Variants in ST8SIA1 observed in about 807,000 individuals in gnomAD.
ST8SIA1 encodes ST8 alpha-N-acetyl-neuraminide alpha-2,8-sialyltransferase 1.
Under a neutral mutation model 35.9 loss-of-function variants are expected in ST8SIA1, and 16 were observed. The observed-to-expected ratio is 0.45, with a 90% CI of 0.30 to 0.68. ST8SIA1 has a LOEUF of 0.68. ST8SIA1 is among the 30% of genes least tolerant of loss of function. ST8SIA1 has a pLI of 0.09. For missense variants in ST8SIA1, 383 were observed against 453.6 expected, an observed-to-expected ratio of 0.84 and a Z score of 1.41; for synonymous variants, 170 against 169.6, an observed-to-expected ratio of 1.00 and a Z score of -0.02.
chr12:22,304,855 T>C (rs1866364818), intron 1 of ST8SIA1, among the ~76,000 whole-genome samples: 2 of 152,230 alleles, frequency 1.3e-5, no homozygotes, highest in Non-Finnish European at 2.9e-5. Context: ...GGTCTCCTCT[T>C]ACAGTCCTAT....
chr12:22,233,968 T>G (rs1250665223), intron 4 of ST8SIA1, among the ~76,000 whole-genome samples: 1 of 152,088 alleles, frequency 6.6e-6, no homozygotes, highest in African/African-American at 2.4e-5. Flanking sequence ...TCAAATATAA[T>G]ATATTATTTG....
intron 4 of ST8SIA1, among the ~76,000 whole-genome samples, chr12:22,205,642 G>A (rs1003297356): frequency 2.6e-5 from 4 of 151,978 alleles, no homozygotes; most frequent in Non-Finnish European, 5.9e-5. Context: ...AATCTAGCTG[G>A]CACAGTGACT....
At chr12:22,247,369 G>A (rs1232989931) in intron 4 of ST8SIA1, among the ~76,000 whole-genome samples, 1 of 152,060 alleles carries the variant, frequency 6.6e-6, no homozygotes, top group Admixed American at 6.6e-5. Context: ...GGGGGAAACT[G>A]GGTAAAGATT....
chr12:22,291,434 C>T (rs1379246515), intron 1 of ST8SIA1, among the ~76,000 whole-genome samples: 1 of 152,174 alleles, frequency 6.6e-6, no homozygotes, highest in African/African-American at 2.4e-5. Flanking sequence ...CAGTATCTGG[C>T]CAAAATCTAC....
chr12:22,233,074 C>T (rs1865437075), intron 4 of ST8SIA1, among the ~76,000 whole-genome samples: 1 of 152,078 alleles, frequency 6.6e-6, no homozygotes, highest in African/African-American at 2.4e-5. Context: ...TGAAAAGGTC[C>T]ACTGCGTGCC....
At position 22,287,356 on chromosome 12, in the gene ST8SIA1, C is replaced by T. The variant is rs144913640; in HGVS notation, c.237-63G>A. ...GTTAAATGAGGAGCAGATTCATTCA[C>T]TTGTCATTCCCACAGAGATGTGCCA... is the stretch of plus-strand genomic sequence containing the variant. On this transcript the variant is annotated intron_variant, in intron 1 of 4. Coordinates refer to ENST00000396037, the MANE Select transcript of ST8SIA1 (RefSeq NM_003034.4). 4.2e-4 allele frequency: 647 copies of T among 1,534,956 alleles called. 1 individual carries two copies. In the African/African-American group the frequency reaches 8.1e-3, roughly 19 times the overall value.
intron 4 of ST8SIA1, among the ~76,000 whole-genome samples, chr12:22,236,686 C>T (rs1163148355): frequency 1.3e-5 from 2 of 152,192 alleles, no homozygotes; most frequent in East Asian, 3.9e-4. Flanking sequence ...CATGAAAGTG[C>T]CATGAGAACT....
intron 2 of ST8SIA1, among the ~76,000 whole-genome samples, chr12:22,280,589 C>T (rs1210378038): frequency 6.6e-6 from 1 of 152,148 alleles, no homozygotes; most frequent in Non-Finnish European, 1.5e-5. Flanking sequence ...ATAGAGCATT[C>T]CTTTATTTTT....
intron 2 of ST8SIA1, among the ~76,000 whole-genome samples, chr12:22,269,988 A>T (rs1240490185): frequency 1.3e-5 from 2 of 152,244 alleles, no homozygotes; most frequent in African/African-American, 4.8e-5. Flanking sequence ...TTTCCAAGGA[A>T]AACAAAATGG....
chr12:22,317,802 A>G (rs1866539385), intron 1 of ST8SIA1, among the ~76,000 whole-genome samples: 1 of 152,230 alleles, frequency 6.6e-6, no homozygotes, highest in Non-Finnish European at 1.5e-5. Context: ...ACACAAGGGC[A>G]TGAATACCAG....
intron 1 of ST8SIA1, among the ~76,000 whole-genome samples, chr12:22,296,941 C>T (rs752643392): frequency 2.0e-5 from 3 of 152,152 alleles, no homozygotes; most frequent in Non-Finnish European, 4.4e-5. Context: ...CTCCAAACTG[C>T]AGGCAGTGAC....
intron 2 of ST8SIA1, among the ~76,000 whole-genome samples, chr12:22,273,023 G>GT (rs1452954406): frequency 6.6e-6 from 1 of 152,182 alleles, no homozygotes; most frequent in Non-Finnish European, 1.5e-5. Flanking sequence ...GGGTCACCCT[G>GT]TTTGACTATC....
chr12:22,313,518 C>G (rs1050866527), intron 1 of ST8SIA1, among the ~76,000 whole-genome samples: 7 of 152,128 alleles, frequency 4.6e-5, no homozygotes, highest in Non-Finnish European at 1.0e-4. Context: ...CAAGAGGATT[C>G]TAGCCTGTGC....
chr12:22,240,811 G>T (rs543672699), intron 4 of ST8SIA1, among the ~76,000 whole-genome samples: 87 of 152,066 alleles, frequency 5.7e-4, no homozygotes, highest in South Asian at 1.7e-3. Flanking sequence ...CTACTTGTAT[G>T]GGAAGATATT....
intron 1 of ST8SIA1, among the ~76,000 whole-genome samples, chr12:22,289,114 C>A (rs1866142961): frequency 6.6e-6 from 1 of 152,138 alleles, no homozygotes; most frequent in African/African-American, 2.4e-5. Context: ...ATTGAGTCAA[C>A]AGAAAACACC....
At chr12:22,206,837 C>A (rs1591823566) in intron 4 of ST8SIA1, among the ~76,000 whole-genome samples, 2 of 152,302 alleles carry the variant, frequency 1.3e-5, no homozygotes, top group South Asian at 2.1e-4. Flanking sequence ...AAACCAAAAT[C>A]ATTCAAGGGG....
intron 2 of ST8SIA1, among the ~76,000 whole-genome samples, chr12:22,265,354 G>A (rs192872144): frequency 3.9e-4 from 59 of 152,288 alleles, no homozygotes; most frequent in African/African-American, 1.3e-3. Context: ...ATTGCTAGAC[G>A]TCATACTTGC....
At position 22,193,468 on chromosome 12, in the gene ST8SIA1, C is replaced by G. The variant is rs77431665; in HGVS notation, c.*8084G>C. On this transcript the variant is annotated 3_prime_UTR_variant, in exon 5 of 5. Transcript: ENST00000396037. ...AGGAGGTAGAGAAATTGAGACTTAC[C>G]GAACCTTCTCACTGCCAGCCATAAT... The G allele has an allele frequency of 6.6e-6, 1 of 152,034 alleles. No homozygotes were observed. The highest frequency in any genetic ancestry group is 1.5e-5 in the Non-Finnish European group (1 of 67,976). The allele number at this position is 152,034 out of a possible 1,614,324, so 9.4% of individuals were successfully genotyped here.
At chr12:22,287,029 A>T in intron 2 of ST8SIA1, 120 bp downstream of exon 2, 2 of 918,582 alleles carry the variant, frequency 2.2e-6, no homozygotes, top group Non-Finnish European at 3.2e-6. Flanking sequence ...AAAAACATTT[A>T]AAGAGAGAAG....
Sources: allele counts gnomAD v4.1 joint callset (sites outside exome capture counted in the v4.1 genomes callset), GRCh38; gene constraint gnomAD v4.1.1; transcripts MANE v1.5; gene names NCBI Gene and HGNC (gene_info 2026-07-23, HGNC 2026-07-21).